PRKN: variants seen among roughly 807,000 people sequenced by gnomAD.
The protein encoded by PRKN is parkin RBR E3 ubiquitin protein ligase.
Under a neutral mutation model 59.5 loss-of-function variants are expected in PRKN, and 56 were observed. The ratio of observed to expected loss-of-function variants is 0.94; its 90% CI spans 0.76 to 1.18. The LOEUF (loss-of-function observed/expected upper bound fraction) is 1.18, where lower values mean the gene tolerates loss of function less well. Among genes scored for constraint, PRKN ranks in the 50% most tolerant of loss-of-function variants. The pLI is 0.00. For synonymous variants in PRKN, 250 were observed against 222.1 expected (o/e 1.13, Z -1.12); for missense variants, 657 against 596.4 (o/e 1.10, Z -1.06).
At chr6:162,248,171 C>T (rs1779275593) in intron 3 of PRKN, among the ~76,000 whole-genome samples, 1 of 152,142 alleles carries the variant, frequency 6.6e-6, no homozygotes, top group Admixed American at 6.6e-5. Context: ...GCTCAGCCTT[C>T]CCTGGGTTCA....
intron 1 of PRKN, among the ~76,000 whole-genome samples, chr6:162,452,018 G>T (rs948583293): frequency 2.0e-5 from 3 of 150,486 alleles, no homozygotes; most frequent in Non-Finnish European, 3.0e-5. Flanking sequence ...CACATACAGG[G>T]TTAAAATGAT....
At chr6:162,543,999 G>A (rs574305991) in intron 1 of PRKN, among the ~76,000 whole-genome samples, 1 of 152,234 alleles carries the variant, frequency 6.6e-6, no homozygotes, top group African/African-American at 2.4e-5. Context: ...TCTTCTTGCA[G>A]CTTATTGCAA....
intron 2 of PRKN, among the ~76,000 whole-genome samples, chr6:162,343,918 G>GA (rs1474627640): frequency 6.6e-6 from 1 of 151,990 alleles, no homozygotes; most frequent in Non-Finnish European, 1.5e-5. Context: ...ATGAGCAATA[G>GA]AAAAAAAGGA....
chr6:162,414,709 T>TGAAAAAAA lies in PRKN; in HGVS notation c.171+28600_171+28601insTTTTTTTC, dbSNP rs373871165. ...CTGGTCAACTGAGCAAGACTCCGTC[T>TGAAAAAAA]CAAAAAAAAAAAAAAAAAGTGAATC... On this transcript the variant is annotated intron_variant, in intron 2 of 11. Coordinates refer to ENST00000366898, the MANE Select transcript of PRKN (RefSeq NM_004562.3). Among the ~76,000 whole-genome samples, 101 of 44,528 alleles carry TGAAAAAAA rather than the reference T, an allele frequency of 2.3e-3. 11 individuals carry two copies. The highest frequency in any genetic ancestry group is 3.5e-3 in the African/African-American group (22 of 6,330). The allele number at this position is 44,528 out of a possible 152,430, so 29.2% of individuals were successfully genotyped here. A position where few individuals can be genotyped will look rare whatever the true frequency, so the allele number is the denominator to read the frequency against.
rs974636162 is a variant in PRKN, at chr6:162,170,402, A to C, written c.534+30729T>G. 5.3e-5 allele frequency among the ~76,000 whole-genome samples: 8 copies of C among 152,218 alleles called. No individual in the cohort carries two copies. In the East Asian group the frequency reaches 1.3e-3, roughly 26 times the overall value. On this transcript the variant is annotated intron_variant, in intron 4 of 11. Transcript: ENST00000366898. The stretch of plus-strand genomic sequence containing the variant: ...TTCCGTTTATTTTCCTTTGTAATAG[A>C]CATGCTACTTTTTACTTTAATTTGA...
chr6:162,187,726 G>T (rs1051906952), intron 4 of PRKN, among the ~76,000 whole-genome samples: 12 of 152,170 alleles, frequency 7.9e-5, no homozygotes, highest in African/African-American at 2.9e-4. Context: ...ATTTACCAAA[G>T]AATGTGTCAG....
intron 2 of PRKN, among the ~76,000 whole-genome samples, chr6:162,426,348 C>A (rs539818787): frequency 6.6e-6 from 1 of 152,328 alleles, no homozygotes; most frequent in South Asian, 2.1e-4. Context: ...TGGGAATACA[C>A]AACAGGTGAT....
At chr6:161,955,610 G>A (rs1056503289) in intron 6 of PRKN, among the ~76,000 whole-genome samples, 1 of 152,194 alleles carries the variant, frequency 6.6e-6, no homozygotes, top group Non-Finnish European at 1.5e-5. Flanking sequence ...CTGCACTTTG[G>A]GAGACCGAGG....
intron 4 of PRKN, among the ~76,000 whole-genome samples, chr6:162,194,535 A>T (rs748731695): frequency 2.6e-5 from 4 of 152,158 alleles, no homozygotes; most frequent in Non-Finnish European, 5.9e-5. Context: ...ACTGGCTGAT[A>T]CTGATGCCCT....
intron 1 of PRKN, among the ~76,000 whole-genome samples, chr6:162,491,234 C>T (rs999919642): frequency 2.3e-4 from 34 of 148,998 alleles, no homozygotes; most frequent in Admixed American, 6.0e-4. Flanking sequence ...TGCACCACTG[C>T]ACTCCAGCCT....
intron 2 of PRKN, among the ~76,000 whole-genome samples, chr6:162,402,706 A>G (rs1476391944): frequency 1.3e-5 from 2 of 149,068 alleles, no homozygotes; most frequent in Non-Finnish European, 3.0e-5. Context: ...CACAAGCTGG[A>G]GTACAGTGGT....
intron 6 of PRKN, among the ~76,000 whole-genome samples, chr6:161,793,049 A>G (rs1353639418): frequency 6.6e-6 from 1 of 152,234 alleles, no homozygotes; most frequent in Non-Finnish European, 1.5e-5. Flanking sequence ...CAGAGAGAGC[A>G]TTTCAGCCCA....
At chr6:162,206,030 G>C (rs1171908408) in intron 3 of PRKN, among the ~76,000 whole-genome samples, 1 of 152,106 alleles carries the variant, frequency 6.6e-6, no homozygotes, top group Non-Finnish European at 1.5e-5. Context: ...GTTGGCCCGA[G>C]AGAAGGAGAA....
chr6:161,919,383 G>A (rs1045793304), intron 6 of PRKN, among the ~76,000 whole-genome samples: 3 of 152,102 alleles, frequency 2.0e-5, no homozygotes, highest in Non-Finnish European at 2.9e-5. Context: ...AATATGCATC[G>A]AAAAACTTTT....
At position 162,498,433 on chromosome 6, in the gene PRKN, CTTTTTCTTTTTTT is replaced by C. The variant is rs1793190992; in HGVS notation, c.8-54973_8-54961del. 3.1e-4 allele frequency among the ~76,000 whole-genome samples: 5 copies of C among 16,380 alleles called. 1 individual carries two copies. The highest frequency in any genetic ancestry group is 6.9e-4 in the Admixed American group (1 of 1,446). The allele number at this position is 16,380 out of a possible 152,430, so 10.7% of individuals were successfully genotyped here. ...TTTTTTTTGAGATGGAGTTTCTTTCCTTTTTCTTTTTTTTTTTTTTTTTTTTTTTGAGATGGAG... is the reference window on the plus strand; with the variant it reads ...TTTTTTTTGAGATGGAGTTTCTTTCCTTTTTTTTTTTTTTTTGAGATGGAG... On this transcript the variant is annotated intron_variant, in intron 1 of 11. Transcript: ENST00000366898.
At chr6:161,716,366 G>A (rs1361795018) in intron 7 of PRKN, among the ~76,000 whole-genome samples, 1 of 152,180 alleles carries the variant, frequency 6.6e-6, no homozygotes, top group Non-Finnish European at 1.5e-5. Context: ...GAAAGTAGCA[G>A]TGCTTTTTTC....
At chr6:162,620,973 G>A (rs1172169996) in intron 1 of PRKN, among the ~76,000 whole-genome samples, 1 of 152,162 alleles carries the variant, frequency 6.6e-6, no homozygotes, top group African/African-American at 2.4e-5. Context: ...TAGCTTCTCG[G>A]ATCCAGTGTT....
chr6:162,014,613 T>C (rs1400396006), intron 5 of PRKN, among the ~76,000 whole-genome samples: 1 of 152,140 alleles, frequency 6.6e-6, no homozygotes, highest in African/African-American at 2.4e-5. Flanking sequence ...GGAAGCGAGC[T>C]GGTGCTTCCT....
intron 5 of PRKN, among the ~76,000 whole-genome samples, chr6:162,043,313 G>A (rs1784135334): frequency 6.6e-6 from 1 of 152,036 alleles, no homozygotes; most frequent in Admixed American, 6.6e-5. Context: ...CACAATGCTG[G>A]GATCCAGAAA....
Sources: allele counts gnomAD v4.1 joint callset (sites outside exome capture counted in the v4.1 genomes callset), GRCh38; gene constraint gnomAD v4.1.1; transcripts MANE v1.5; gene names NCBI Gene and HGNC (gene_info 2026-07-23, HGNC 2026-07-21).